The following ENPP3 variants were observed in gnomAD, a reference collection of about 807,000 sequenced individuals.
ENPP3 encodes the protein ectonucleotide pyrophosphatase/phosphodiesterase 3.
A neutral mutation model predicts 117.8 loss-of-function variants in ENPP3; 104 were observed. That is an observed-to-expected ratio of 0.88 (90% CI 0.75 to 1.04). ENPP3 has a LOEUF of 1.04. Ranked by LOEUF, ENPP3 falls within the 50% of genes least tolerant of loss-of-function variation. ENPP3 has a pLI of 0.00. For synonymous variants in ENPP3, 380 were observed against 349.9 expected, an observed-to-expected ratio of 1.09 and a Z score of -0.96; for missense variants, 1,026 against 1,051.9, an observed-to-expected ratio of 0.98 and a Z score of 0.34.
At chr6:131,681,306 A>T (rs1457791540) in intron 11 of ENPP3, among the ~76,000 whole-genome samples, 1 of 152,170 alleles carries the variant, frequency 6.6e-6, no homozygotes, top group Non-Finnish European at 1.5e-5. Flanking sequence ...GACCTTTACA[A>T]CTGACTGTTC....
intron 5 of ENPP3, 65 bp downstream of exon 5, chr6:131,652,956 A>G: frequency 9.2e-7 from 1 of 1,081,650 alleles, no homozygotes. Flanking sequence ...GAATGTAGTT[A>G]GTTGAGACGC....
At chr6:131,740,148 CTA>C (rs1418296502) in intron 23 of ENPP3, 74 bp from the exon 24 acceptor site, 1 of 1,123,418 alleles carries the variant, frequency 8.9e-7, no homozygotes, top group Non-Finnish European at 1.2e-6. Context: ...ATGAAAAAAA[CTA>C]TGTAAACACA....
At chr6:131,695,372 G>A (rs1005639243) in intron 15 of ENPP3, among the ~76,000 whole-genome samples, 1 of 152,032 alleles carries the variant, frequency 6.6e-6, no homozygotes, top group Non-Finnish European at 1.5e-5. Flanking sequence ...ATCTCAAATG[G>A]TGAGCTGTTT....
At chr6:131,696,985 G>A (rs1779422061) in intron 15 of ENPP3, among the ~76,000 whole-genome samples, 1 of 152,080 alleles carries the variant, frequency 6.6e-6, no homozygotes, top group Non-Finnish European at 1.5e-5. Context: ...TAGCCAGGAT[G>A]GTCTCAATCT....
intron 14 of ENPP3, among the ~76,000 whole-genome samples, chr6:131,692,270 T>C (rs1322367124): frequency 2.0e-5 from 3 of 152,144 alleles, no homozygotes; most frequent in Non-Finnish European, 4.4e-5. Flanking sequence ...TCTCATTACC[T>C]CATTTTTCTT....
intron 20 of ENPP3, among the ~76,000 whole-genome samples, chr6:131,726,645 A>C (rs555100829): frequency 3.3e-4 from 50 of 152,336 alleles, no homozygotes; most frequent in African/African-American, 1.2e-3. Flanking sequence ...CAAATATACA[A>C]GGTGAATAGG....
chr6:131,719,162 G>A (rs557981655), intron 16 of ENPP3, among the ~76,000 whole-genome samples: 22 of 152,048 alleles, frequency 1.4e-4, no homozygotes, highest in African/African-American at 4.1e-4. Flanking sequence ...TAAATAGGGT[G>A]GAAAGAGTAA....
At chr6:131,654,483 C>T (rs1253869311) in intron 5 of ENPP3, among the ~76,000 whole-genome samples, 2 of 150,800 alleles carry the variant, frequency 1.3e-5, no homozygotes, top group African/African-American at 4.9e-5. Flanking sequence ...CATTCTGTTG[C>T]CCAGGTTGGA....
chr6:131,679,026 C>CTTTCTTTCTTTCT (rs1562446869), intron 11 of ENPP3, among the ~76,000 whole-genome samples: 2 of 47,820 alleles, frequency 4.2e-5, no homozygotes, highest in East Asian at 1.0e-3. Flanking sequence ...TCCTTCCTTC[C>CTTTCTTTCTTTCT]TTCTTTCTTT....
At chr6:131,654,273 A>G (rs527976553) in intron 5 of ENPP3, among the ~76,000 whole-genome samples, 4 of 152,014 alleles carry the variant, frequency 2.6e-5, no homozygotes, top group South Asian at 2.1e-4. Context: ...ATTTGAGACT[A>G]CAGGCATGGG....
intron 14 of ENPP3, among the ~76,000 whole-genome samples, chr6:131,690,255 G>T (rs1779248679): frequency 6.6e-6 from 1 of 152,162 alleles, no homozygotes; most frequent in Non-Finnish European, 1.5e-5. Flanking sequence ...ATGCTACAGA[G>T]AAATACTTTG....
chr6:131,646,430 G>T (rs1175568167), intron 2 of ENPP3, among the ~76,000 whole-genome samples: 2 of 151,790 alleles, frequency 1.3e-5, no homozygotes, highest in African/African-American at 4.8e-5. Flanking sequence ...CAAATGTCTG[G>T]GGACCATCTG....
chr6:131,685,239 G>A (rs1335204379), intron 12 of ENPP3, 125 bp from the exon 13 acceptor site: 20 of 865,890 alleles, frequency 2.3e-5, no homozygotes, highest in Non-Finnish European at 3.0e-5. Context: ...GGTGAATTGC[G>A]TAAATTCTCA....
At chr6:131,682,905 GC>G (rs1254182628) in intron 11 of ENPP3, 148 bp from the exon 12 acceptor site, 1 of 623,234 alleles carries the variant, frequency 1.6e-6, no homozygotes, top group Non-Finnish European at 2.9e-6. Context: ...GAATATGGTA[GC>G]ATGGGTGCTA....
At chr6:131,646,381 A>G (rs1321812239) in intron 2 of ENPP3, among the ~76,000 whole-genome samples, 2 of 148,164 alleles carry the variant, frequency 1.3e-5, no homozygotes, top group Admixed American at 1.4e-4. Flanking sequence ...TTGTTTGTTC[A>G]GTGTTTGTCT....
chr6:131,647,774 C>T (rs939190060), intron 2 of ENPP3, among the ~76,000 whole-genome samples: 1 of 152,048 alleles, frequency 6.6e-6, no homozygotes, highest in Admixed American at 6.6e-5. Context: ...ATGTTCTCCA[C>T]TTTGTAGATA....
At chr6:131,653,843 T>C (rs12665245) in intron 5 of ENPP3, among the ~76,000 whole-genome samples, 18,618 of 152,130 alleles carry the variant, frequency 0.12, 1,211 homozygotes, top group Middle Eastern at 0.19. Context: ...TCAGGGGGCA[T>C]AGGTGATGAA....
At chr6:131,744,299 C>T (rs1165295507) in intron 24 of ENPP3, among the ~76,000 whole-genome samples, 1 of 152,064 alleles carries the variant, frequency 6.6e-6, no homozygotes, top group East Asian at 1.9e-4. Context: ...AGAATGTAGC[C>T]ATTAGTCCAA....
At chr6:131,643,088 C>T (rs1778086591) in intron 2 of ENPP3, 1 of 152,172 alleles carries the variant, frequency 6.6e-6, no homozygotes, top group African/African-American at 2.4e-5. Context: ...CATGTGTCTA[C>T]TTGAGAAACA....
Sources: allele counts gnomAD v4.1 joint callset (sites outside exome capture counted in the v4.1 genomes callset), GRCh38; gene constraint gnomAD v4.1.1; transcripts MANE v1.5; gene names NCBI Gene and HGNC (gene_info 2026-07-23, HGNC 2026-07-21).